Variants in DEPDC5 observed in about 807,000 individuals in gnomAD.
DEPDC5 encodes the protein DEP domain containing 5, GATOR1 subcomplex subunit, also known as GATOR1 complex protein DEPDC5.
Under a neutral mutation model 217.3 loss-of-function variants are expected in DEPDC5, and 73 were observed. The observed-to-expected ratio is 0.34, with a 90% CI of 0.28 to 0.41. The LOEUF is 0.41. Ranked by LOEUF, DEPDC5 falls within the 10% of genes least tolerant of loss-of-function variation. The pLI is 1.00. For synonymous variants in DEPDC5, 733 were observed against 756.7 expected (o/e 0.97, Z 0.51); for missense variants, 1,675 against 2,070.1 (o/e 0.81, Z 3.70).
At chr22:31,784,020 G>T in intron 9 of DEPDC5, 35 bp downstream of exon 9, 1 of 1,563,420 alleles carries the variant, frequency 6.4e-7, no homozygotes, top group South Asian at 1.2e-5. Context: ...AACTGCTAAG[G>T]GGAGAATTTT....
chr22:31,770,193 C>T (rs1047159892), intron 7 of DEPDC5, among the ~76,000 whole-genome samples: 1 of 151,512 alleles, frequency 6.6e-6, no homozygotes, highest in Non-Finnish European at 1.5e-5. Flanking sequence ...CATTATCATG[C>T]CACTGCACTG....
chr22:31,902,162 G>T (rs2093659030), intron 41 of DEPDC5, among the ~76,000 whole-genome samples: 2 of 152,118 alleles, frequency 1.3e-5, no homozygotes, highest in South Asian at 4.1e-4. Context: ...AAAAGACAAT[G>T]AATGGTTAAA....
In DEPDC5 at chr22:31,857,967, T is replaced by A. The variant is rs147967448; in HGVS notation, c.3264+414T>A. The A allele has an allele frequency of 4.2e-4, 65 of 154,420 alleles. 1 individual carries two copies. In the East Asian group the frequency reaches 0.011, roughly 27 times the overall value. 9.6% of individuals were successfully genotyped at this position (154,420 alleles called of 1,614,324 possible). On this transcript the variant is annotated intron_variant, in intron 32 of 42. Transcript: ENST00000651528. ...TACTCAGAAGGCTGAGGTGAGGGGA[T>A]CCCTAGAGCCCAGGAGGTTGAGGTT... is the stretch of plus-strand genomic sequence containing the variant.
intron 10 of DEPDC5, among the ~76,000 whole-genome samples, chr22:31,788,690 C>A (rs2085295176): frequency 1.3e-5 from 2 of 151,826 alleles, no homozygotes; most frequent in South Asian, 2.1e-4. Flanking sequence ...TCTCCTGCTT[C>A]AGCCTCCCGA....
intron 37 of DEPDC5, among the ~76,000 whole-genome samples, chr22:31,877,243 C>T (rs1457697161): frequency 6.7e-6 from 1 of 149,870 alleles, no homozygotes; most frequent in Non-Finnish European, 1.5e-5. Flanking sequence ...CGAGACCAGC[C>T]TGGGCAACAC....
chr22:31,826,516 C>T (rs1283500438), intron 24 of DEPDC5: 1 of 421,122 alleles, frequency 2.4e-6, no homozygotes, highest in Non-Finnish European at 4.7e-6. Context: ...TCTTCCCTGT[C>T]TTTAACCCCT....
Position 31,776,572 on chromosome 22 carries a change from C to CTTT in DEPDC5, c.414-1508_414-1506dup, listed in dbSNP as rs34058587. On this transcript the variant is annotated intron_variant, in intron 7 of 42. Coordinates refer to ENST00000651528, the MANE Select transcript of DEPDC5 (RefSeq NM_001242896.3). Reference sequence around the variant, plus strand: ...TTTACTTTTTCTACTGTACTATTCACTTTTTTTTTTTTTTTTTTTTTGAGG... The same window carrying CTTT: ...TTTACTTTTTCTACTGTACTATTCACTTTTTTTTTTTTTTTTTTTTTTTTGAGG... Among the ~76,000 whole-genome samples the CTTT allele has an allele frequency of 3.4e-3, 352 of 104,106 alleles. 14 individuals are homozygous for CTTT. The highest frequency in any genetic ancestry group is 3.9e-3 in the African/African-American group (104 of 26,348). The allele number at this position is 104,106 out of a possible 152,430, so 68.3% of individuals were successfully genotyped here.
At chr22:31,816,069 G>A in intron 21 of DEPDC5, 4 of 966,190 alleles carry the variant, frequency 4.1e-6, no homozygotes, top group Non-Finnish European at 4.9e-6. Flanking sequence ...GGAGGCCAAG[G>A]CGGGTGGATC....
chr22:31,758,450 A>G, intron 2 of DEPDC5, 96 bp from the exon 3 acceptor site: 1 of 1,077,138 alleles, frequency 9.3e-7, no homozygotes, highest in Non-Finnish European at 1.4e-6. Flanking sequence ...ATGGGGTGGC[A>G]ATACCATCCT....
intron 24 of DEPDC5, among the ~76,000 whole-genome samples, chr22:31,824,303 G>A (rs552462058): frequency 2.6e-5 from 4 of 151,952 alleles, no homozygotes; most frequent in East Asian, 1.9e-4. Flanking sequence ...CTGAGATTGC[G>A]CCACTGCATT....
At chr22:31,846,614 A>G (rs150380427) in intron 30 of DEPDC5, among the ~76,000 whole-genome samples, 72 of 152,274 alleles carry the variant, frequency 4.7e-4, no homozygotes, top group Non-Finnish European at 7.4e-4. Flanking sequence ...TGAGGGTGAA[A>G]TGAGGATGTG....
intron 9 of DEPDC5, chr22:31,784,545 C>T (rs1294491679): frequency 3.3e-6 from 1 of 299,926 alleles, no homozygotes; most frequent in Non-Finnish European, 6.2e-6. Context: ...AGGAGAATCG[C>T]TTGAACCTGG....
Position 31,843,117 on chromosome 22 carries a change from T to G in DEPDC5, c.2538T>G (p.Pro846=), listed in dbSNP as rs201814503. 6.2e-7 allele frequency: 1 copy of G among 1,613,842 alleles called. No homozygotes were observed. The highest frequency in any genetic ancestry group is 8.5e-7 in the Non-Finnish European group (1 of 1,179,956). Residue 846 remains proline, a synonymous_variant, in exon 28 of 43, where the codon CCT becomes CCG. Coordinates refer to ENST00000651528, the MANE Select transcript of DEPDC5 (RefSeq NM_001242896.3). The part of the protein sequence containing the change: ...YSRGLVSRNR[P]EEEDQYWLSM... ...TAGGCCTTGTGTCCCGAAACCGCCC[T>G]GAGGAGGAGGACCAGTATTGGCTGA...
In DEPDC5 at chr22:31,822,680, C is replaced by T. The variant is rs1318510911; in HGVS notation, c.2007-13C>T. ...CTACATTAAGCCAGGTGGCTGGGCT[C>T]TGTTCTCTGCAGGCACAGCAATTCC... On this transcript the variant is annotated splice_polypyrimidine_tract_variant and intron_variant, in intron 23 of 42. Coordinates refer to ENST00000651528, the MANE Select transcript of DEPDC5 (RefSeq NM_001242896.3). The T allele has an allele frequency of 1.2e-6, 2 of 1,613,738 alleles. No individual in the cohort carries two copies. Among genetic ancestry groups the T allele is most frequent in the Admixed American group, 3.3e-5 (2 of 60,006 alleles).
At chr22:31,868,820 T>G (rs1401198563) in intron 33 of DEPDC5, among the ~76,000 whole-genome samples, 1 of 152,142 alleles carries the variant, frequency 6.6e-6, no homozygotes, top group Non-Finnish European at 1.5e-5. Context: ...GTTAGGAGGT[T>G]CTAAGAGCCT....
rs1217578282 is a variant in DEPDC5, at chr22:31,897,487, A to G, written c.4209A>G (p.Gln1403=). ...VTAAVLFEMV[Q]GWHRKATSCG... is the part of the protein sequence containing the mutation. ...GTTTCTGTACTTTCCGCCAGGTCCA[A>G]GGTTGGCATCGGAAAGCCACCTCCT... The change falls in exon 40 of 43, where the codon CAA becomes CAG. Residue 1403 remains glutamine (Q), a synonymous_variant. Transcript: ENST00000651528. The G allele has an allele frequency of 2.5e-6, 4 of 1,612,086 alleles. No individual in the cohort carries two copies. The East Asian group carries it at 6.7e-5, about 27-fold the overall frequency.
rs757049930 is a variant in DEPDC5, at chr22:31,819,263, G to T, written c.1870+38G>T. ...CTTAAGAGAGAGCCTTGGACTAGGA[G>T]CTCCTAGCCCTGGTCCTCAGTGTCG... is the stretch of plus-strand genomic sequence containing the variant. On this transcript the variant is annotated intron_variant, in intron 22 of 42. Transcript: ENST00000651528. The T allele has an allele frequency of 2.5e-6, 4 of 1,608,918 alleles. No individual in the cohort carries two copies. In the South Asian group the frequency reaches 4.4e-5, roughly 18 times the overall value.
At chr22:31,842,526 G>A (rs2091456399) in intron 27 of DEPDC5, among the ~76,000 whole-genome samples, 1 of 140,572 alleles carries the variant, frequency 7.1e-6, no homozygotes, top group South Asian at 2.3e-4. Flanking sequence ...AGTGAGCCGA[G>A]ATCGGGCCAT....
intron 4 of DEPDC5, among the ~76,000 whole-genome samples, chr22:31,763,007 T>C (rs2082525678): frequency 6.6e-6 from 1 of 151,364 alleles, no homozygotes; most frequent in Non-Finnish European, 1.5e-5. Context: ...TTTTATTTTT[T>C]TGAGATGGAG....
Sources: allele counts gnomAD v4.1 joint callset (sites outside exome capture counted in the v4.1 genomes callset), GRCh38; gene constraint gnomAD v4.1.1; transcripts MANE v1.5; gene names NCBI Gene and HGNC (gene_info 2026-07-23, HGNC 2026-07-21).